The following MACROD2 variants were observed in gnomAD, a reference collection of about 807,000 sequenced individuals.
MACROD2 encodes mono-ADP ribosylhydrolase 2, also known as ADP-ribose glycohydrolase MACROD2.
MACROD2 carries 36 observed loss-of-function variants against 70.4 expected under a neutral mutation model. The observed-to-expected ratio is 0.51, with a 90% CI of 0.39 to 0.68. The LOEUF (loss-of-function observed/expected upper bound fraction) is 0.68, where lower values mean the gene tolerates loss of function less well. Among genes scored for constraint, MACROD2 ranks in the 30% least tolerant of loss-of-function variants. The pLI, the probability that MACROD2 is intolerant of heterozygous loss-of-function variation, is 0.00. For synonymous variants in MACROD2, 172 were observed against 178.8 expected (o/e 0.96, Z 0.30); for missense variants, 496 against 538.4 (o/e 0.92, Z 0.78).
rs186140459 is a variant in MACROD2 at position 14,619,051 on chromosome 20, C to T, written c.302-65792C>T. On this transcript the variant is annotated intron_variant, in intron 4 of 17. Transcript: ENST00000684519. ...AATAAATGATAAGCCCTTAAAATAA[C>T]GATCATAGCCATAAAAATCCAAGGG... Among the ~76,000 whole-genome samples the T allele has an allele frequency of 2.3e-4, 35 of 151,768 alleles. 1 individual carries two copies. The East Asian group carries it at 2.3e-3, about 10-fold the overall frequency.
intron 7 of MACROD2, among the ~76,000 whole-genome samples, chr20:15,459,950 C>G (rs1467594758): frequency 1.3e-5 from 2 of 151,986 alleles, no homozygotes; most frequent in Non-Finnish European, 2.9e-5. Flanking sequence ...CAAAACTGGC[C>G]ATAGTAACAG....
chr20:15,735,455 C>G (rs1169590278), intron 8 of MACROD2, among the ~76,000 whole-genome samples: 1 of 152,134 alleles, frequency 6.6e-6, no homozygotes, highest in African/African-American at 2.4e-5. Context: ...GAAATAAAAG[C>G]AAGAGTTGGT....
At chr20:14,689,392 A>G (rs2071037264) in intron 5 of MACROD2, among the ~76,000 whole-genome samples, 1 of 152,190 alleles carries the variant, frequency 6.6e-6, no homozygotes, top group Non-Finnish European at 1.5e-5. Context: ...GTATTGCTAT[A>G]TTCATATAGC....
intron 8 of MACROD2, among the ~76,000 whole-genome samples, chr20:15,830,455 T>C (rs79520653): frequency 0.033 from 5,059 of 152,318 alleles, 145 homozygotes; most frequent in East Asian, 0.13. Context: ...TACTGTTCAT[T>C]CATTTAATAT....
chr20:15,110,828 A>C (rs2075948530), intron 5 of MACROD2, among the ~76,000 whole-genome samples: 1 of 152,190 alleles, frequency 6.6e-6, no homozygotes, highest in African/African-American at 2.4e-5. Flanking sequence ...CCTAGGTCTG[A>C]GAGCCAGTTA....
chr20:15,045,932 G>A (rs1437827270), intron 5 of MACROD2, among the ~76,000 whole-genome samples: 2 of 151,700 alleles, frequency 1.3e-5, no homozygotes, highest in African/African-American at 2.4e-5. Flanking sequence ...GCCTCTCCAC[G>A]TCTGACCTGT....
chr20:14,555,207 G>A (rs372757431), intron 4 of MACROD2, among the ~76,000 whole-genome samples: 22 of 151,988 alleles, frequency 1.4e-4, no homozygotes, highest in African/African-American at 3.4e-4. Flanking sequence ...GCATATGCCC[G>A]TATCAAAACA....
chr20:14,514,151 G>A (rs931807102), intron 4 of MACROD2, among the ~76,000 whole-genome samples: 1 of 152,092 alleles, frequency 6.6e-6, no homozygotes, highest in African/African-American at 2.4e-5. Context: ...AGGACCAGGG[G>A]CAGAAGAGAA....
intron 5 of MACROD2, among the ~76,000 whole-genome samples, chr20:14,784,646 C>A (rs2072342077): frequency 8.9e-6 from 1 of 112,396 alleles, no homozygotes; most frequent in South Asian, 3.0e-4. Context: ...CAAATTAGGT[C>A]AGAAAAGGAT....
chr20:15,528,767 A>G (rs17681294), intron 8 of MACROD2, among the ~76,000 whole-genome samples: 1,991 of 150,266 alleles, frequency 0.013, 23 homozygotes, highest in South Asian at 0.026. Flanking sequence ...ACTTTAATGT[A>G]GCTTTTTGAA....
chr20:14,734,546 CA>C (rs11482345), intron 5 of MACROD2, among the ~76,000 whole-genome samples: 14 of 143,518 alleles, frequency 9.8e-5, no homozygotes, highest in East Asian at 2.0e-4. Flanking sequence ...AACAAAAAAG[CA>C]AAAAAAAAAA....
intron 1 of MACROD2, among the ~76,000 whole-genome samples, chr20:13,998,644 A>C (rs918384475): frequency 6.6e-6 from 1 of 152,040 alleles, no homozygotes; most frequent in Non-Finnish European, 1.5e-5. Context: ...TACTAAAGAG[A>C]TGACATTGCC....
intron 3 of MACROD2, among the ~76,000 whole-genome samples, chr20:14,155,473 A>G (rs574679322): frequency 1.3e-5 from 2 of 152,314 alleles, no homozygotes; most frequent in South Asian, 4.1e-4. Flanking sequence ...AAGGAATGTC[A>G]CAAATTTCAA....
chr20:15,806,460 T>C lies in MACROD2; in HGVS notation c.646-56285T>C, dbSNP rs539792865. On this transcript the variant is annotated intron_variant, in intron 8 of 17. Transcript: ENST00000684519. ...GCTAATAGAATGCTCAACACAAGGC[T>C]CCCCTGACTTTTACAGCTGCCCAGA... 3.9e-5 allele frequency among the ~76,000 whole-genome samples: 6 copies of C among 152,282 alleles called. No individual in the cohort carries two copies. The South Asian group carries it at 1.2e-3, about 32-fold the overall frequency.
chr20:14,574,218 C>T (rs1454305381), intron 4 of MACROD2, among the ~76,000 whole-genome samples: 6 of 152,102 alleles, frequency 3.9e-5, no homozygotes, highest in Admixed American at 3.3e-4. Context: ...TTTCTGCTCT[C>T]GTTGCTCCTT....
At chr20:15,622,189 T>C (rs187856155) in intron 8 of MACROD2, among the ~76,000 whole-genome samples, 1 of 152,224 alleles carries the variant, frequency 6.6e-6, no homozygotes, top group Non-Finnish European at 1.5e-5. Context: ...TGGTTCATAG[T>C]CTCATTGTTC....
At chr20:15,489,482 A>G (rs2047200937) in intron 7 of MACROD2, among the ~76,000 whole-genome samples, 1 of 152,212 alleles carries the variant, frequency 6.6e-6, no homozygotes, top group African/African-American at 2.4e-5. Flanking sequence ...TAATTGAGCC[A>G]TCAGAACTGC....
At chr20:15,426,204 A>T (rs2046295559) in intron 6 of MACROD2, among the ~76,000 whole-genome samples, 1 of 138,698 alleles carries the variant, frequency 7.2e-6, no homozygotes, top group African/African-American at 3.3e-5. Flanking sequence ...TGATCAATAA[A>T]AAAAAAAAAA....
At chr20:15,635,033 C>T (rs2049343051) in intron 8 of MACROD2, among the ~76,000 whole-genome samples, 1 of 152,200 alleles carries the variant, frequency 6.6e-6, no homozygotes, top group African/African-American at 2.4e-5. Flanking sequence ...CCTCTGCTTG[C>T]AGCAGCTATA....
Sources: allele counts gnomAD v4.1 joint callset (sites outside exome capture counted in the v4.1 genomes callset), GRCh38; gene constraint gnomAD v4.1.1; transcripts MANE v1.5; gene names NCBI Gene and HGNC (gene_info 2026-07-23, HGNC 2026-07-21).